NEGR1: variants seen among roughly 807,000 people sequenced by gnomAD.
NEGR1 encodes the protein neuronal growth regulator 1.
A neutral mutation model predicts 40.9 loss-of-function variants in NEGR1; 10 were observed. That is an observed-to-expected ratio of 0.24 (90% CI 0.15 to 0.42). NEGR1 has a LOEUF of 0.42. Ranked by LOEUF, NEGR1 falls within the 10% of genes least tolerant of loss-of-function variation. The pLI, the probability that NEGR1 is intolerant of heterozygous loss-of-function variation, is 1.00. For missense variants in NEGR1, 352 were observed against 438.9 expected (o/e 0.80, Z 1.77); for synonymous variants, 185 against 166.8 (o/e 1.11, Z -0.84).
At chr1:71,706,118 C>G (rs942158437) in intron 3 of NEGR1, among the ~76,000 whole-genome samples, 7 of 152,210 alleles carry the variant, frequency 4.6e-5, no homozygotes, top group African/African-American at 9.6e-5. Context: ...CCAGCCACCC[C>G]CTTCCCCAAG....
At chr1:71,787,894 T>C (rs12024388) in intron 2 of NEGR1, among the ~76,000 whole-genome samples, 12,304 of 152,198 alleles carry the variant, frequency 0.081, 667 homozygotes, top group African/African-American at 0.14. Context: ...TCACATTACG[T>C]TGTTTGTTTT....
intron 5 of NEGR1, 39 bp from the exon 6 acceptor site, chr1:71,593,007 G>A (rs1459716812): frequency 1.4e-6 from 2 of 1,473,012 alleles, no homozygotes; most frequent in East Asian, 2.3e-5. Context: ...TATGTATTGT[G>A]AATACCAGTT....
chr1:72,120,096 G>C (rs966434768), intron 1 of NEGR1, among the ~76,000 whole-genome samples: 2 of 151,898 alleles, frequency 1.3e-5, no homozygotes, highest in African/African-American at 4.8e-5. Context: ...TTATCTCATA[G>C]CTAACCTATT....
chr1:71,462,372 C>T (rs925045014), intron 6 of NEGR1, among the ~76,000 whole-genome samples: 1 of 152,066 alleles, frequency 6.6e-6, no homozygotes. Flanking sequence ...TGATAGCATG[C>T]CAGGTAGAGG....
chr1:71,666,163 T>G (rs1293285842), intron 4 of NEGR1, among the ~76,000 whole-genome samples: 1 of 152,190 alleles, frequency 6.6e-6, no homozygotes, highest in Admixed American at 6.6e-5. Flanking sequence ...TTTCTAAAAC[T>G]TACCATCACT....
intron 1 of NEGR1, among the ~76,000 whole-genome samples, chr1:71,939,735 A>C (rs1018357528): frequency 2.0e-5 from 3 of 152,084 alleles, no homozygotes; most frequent in Non-Finnish European, 4.4e-5. Context: ...ATTCATACAC[A>C]TAGCTACTTG....
intron 6 of NEGR1, among the ~76,000 whole-genome samples, chr1:71,523,387 C>T (rs942512718): frequency 1.3e-5 from 2 of 151,992 alleles, no homozygotes; most frequent in African/African-American, 4.8e-5. Flanking sequence ...ACTTCAAATT[C>T]CTTACCTGTT....
intron 1 of NEGR1, among the ~76,000 whole-genome samples, chr1:72,059,596 C>A (rs1647147469): frequency 6.6e-6 from 1 of 151,550 alleles, no homozygotes. Flanking sequence ...ATAACCCTGA[C>A]AACAAGTTTT....
At chr1:72,146,319 C>CTGCTG (rs1303093248) in intron 1 of NEGR1, among the ~76,000 whole-genome samples, 3 of 152,294 alleles carry the variant, frequency 2.0e-5, no homozygotes, top group Admixed American at 6.5e-5. Flanking sequence ...TCTGGTGATG[C>CTGCTG]TGCTGTGCTG....
At chr1:71,449,101 C>T (rs1646605349) in intron 6 of NEGR1, among the ~76,000 whole-genome samples, 1 of 152,150 alleles carries the variant, frequency 6.6e-6, no homozygotes, top group Admixed American at 6.5e-5. Flanking sequence ...ATAGATACTT[C>T]CTACAGTCAG....
intron 1 of NEGR1, among the ~76,000 whole-genome samples, chr1:71,971,771 T>C (rs545018119): frequency 6.6e-6 from 1 of 152,336 alleles, no homozygotes; most frequent in South Asian, 2.1e-4. Flanking sequence ...AATCAAAATA[T>C]GGTCACGTAT....
chr1:71,833,651 C>T (rs186265877), intron 2 of NEGR1, among the ~76,000 whole-genome samples: 2 of 152,172 alleles, frequency 1.3e-5, no homozygotes, highest in Non-Finnish European at 2.9e-5. Flanking sequence ...GTCAGTCTTT[C>T]AGCACTTGAC....
intron 2 of NEGR1, among the ~76,000 whole-genome samples, chr1:71,866,671 C>A (rs936878595): frequency 6.6e-6 from 1 of 152,072 alleles, no homozygotes; most frequent in Admixed American, 6.6e-5. Context: ...GTTATAGATT[C>A]TGAGAGGACA....
chr1:72,000,493 A>C (rs1646547681), intron 1 of NEGR1, among the ~76,000 whole-genome samples: 5 of 152,176 alleles, frequency 3.3e-5, no homozygotes, highest in Admixed American at 3.3e-4. Flanking sequence ...TCTTTACCAA[A>C]AATACAATTT....
At chr1:72,095,575 CAA>C (rs1254408970) in intron 1 of NEGR1, among the ~76,000 whole-genome samples, 3 of 152,024 alleles carry the variant, frequency 2.0e-5, no homozygotes, top group Non-Finnish European at 4.4e-5. Context: ...TTTTAAATGC[CAA>C]GTTTCCCACA....
At chr1:71,830,005 T>C (rs1029384020) in intron 2 of NEGR1, among the ~76,000 whole-genome samples, 2 of 151,946 alleles carry the variant, frequency 1.3e-5, no homozygotes, top group African/African-American at 4.8e-5. Flanking sequence ...TAATCTTCTT[T>C]AGGGACACTA....
chr1:72,260,928 G>GT (rs1248436386), intron 1 of NEGR1, among the ~76,000 whole-genome samples: 3 of 151,976 alleles, frequency 2.0e-5, no homozygotes, highest in African/African-American at 7.2e-5. Flanking sequence ...AAGCAGAAAT[G>GT]TAAACATAAA....
At chr1:72,275,728 T>C (rs1656029675) in intron 1 of NEGR1, among the ~76,000 whole-genome samples, 1 of 152,090 alleles carries the variant, frequency 6.6e-6, no homozygotes, top group African/African-American at 2.4e-5. Flanking sequence ...CTTATTTATA[T>C]ATGAGCCAGA....
chr1:71,464,572 A>C (rs1328193677), intron 6 of NEGR1, among the ~76,000 whole-genome samples: 1 of 152,244 alleles, frequency 6.6e-6, no homozygotes, highest in South Asian at 2.1e-4. Flanking sequence ...TGAAAGATTG[A>C]GTTTTTATTA....
Sources: gnomAD v4.1 joint callset for allele counts (sites outside exome capture counted in the v4.1 genomes callset) on GRCh38, gnomAD v4.1.1 for gene constraint, MANE v1.5 for transcripts, NCBI Gene and HGNC (gene_info 2026-07-23, HGNC 2026-07-21) for gene names.